The following CLPTM1L variants were observed in gnomAD, a reference collection of about 807,000 sequenced individuals.
CLPTM1L encodes lipid scramblase CLPTM1L.
CLPTM1L carries 38 observed loss-of-function variants against 70.9 expected under a neutral mutation model. The ratio of observed to expected loss-of-function variants is 0.54; its 90% CI spans 0.41 to 0.70. CLPTM1L has a LOEUF of 0.70. Ranked by LOEUF, CLPTM1L falls within the 30% of genes least tolerant of loss-of-function variation. The pLI is 0.00. For synonymous variants in CLPTM1L, 339 were observed against 299.9 expected, an observed-to-expected ratio of 1.13 and a Z score of -1.35; for missense variants, 652 against 705.9, an observed-to-expected ratio of 0.92 and a Z score of 0.87.
intron 9 of CLPTM1L, among the ~76,000 whole-genome samples, chr5:1,327,066 C>T (rs1752636652): frequency 6.7e-6 from 1 of 150,298 alleles, no homozygotes; most frequent in Admixed American, 6.6e-5. Flanking sequence ...CCACCCAGCT[C>T]CTCCTCGACA....
At chr5:1,343,169 A>G (rs1439035589) in intron 2 of CLPTM1L, among the ~76,000 whole-genome samples, 4 of 152,112 alleles carry the variant, frequency 2.6e-5, no homozygotes, top group African/African-American at 9.7e-5. Flanking sequence ...CCAGCCTGGC[A>G]ACAGAGCAAG....
rs1040197201 is a variant in CLPTM1L, at chr5:1,342,332, T to C, written c.264-472A>G. ...CTACTGGAACCTCAGAAATTTAATG[T>C]GGGTAGTTTTTTTGGGTGTTGTAGT... On this transcript the variant is annotated intron_variant, in intron 2 of 16. Transcript: ENST00000320895. The surrounding 1 kb of genome is among the most constrained non-coding windows in gnomAD (Gnocchi z 4.3). 6.6e-6 allele frequency among the ~76,000 whole-genome samples: 1 copy of C among 152,112 alleles called. No individual in the cohort carries two copies. Among genetic ancestry groups the C allele is most frequent in the Non-Finnish European group, 1.5e-5 (1 of 68,008 alleles).
Position 1,342,636 on chromosome 5 carries a change from A to C in CLPTM1L, c.264-776T>G, listed in dbSNP as rs143001023. ...ACAAGGTCTCGCTGTCACCAGGCTG[A>C]AAGTGTAGGGGTGCAATCACAGCTC... On this transcript the variant is annotated intron_variant, in intron 2 of 16. Coordinates refer to ENST00000320895, the MANE Select transcript of CLPTM1L (RefSeq NM_030782.5). This position sits in a 1 kb window ranked among gnomAD's most constrained non-coding sequence, Gnocchi z 4.3. Among the ~76,000 whole-genome samples, 16 of 152,338 alleles carry C rather than the reference A, an allele frequency of 1.1e-4. 1 individual carries two copies. The highest frequency in any genetic ancestry group is 4.1e-4 in the South Asian group (2 of 4,828).
rs147939701 is a variant in CLPTM1L, at chr5:1,342,055, C to T, written c.264-195G>A. On this transcript the variant is annotated intron_variant, in intron 2 of 16. Coordinates refer to ENST00000320895, the MANE Select transcript of CLPTM1L (RefSeq NM_030782.5). The surrounding 1 kb of genome is among the most constrained non-coding windows in gnomAD (Gnocchi z 4.3). ...GTGTGTGTGTGCACGCGCACGCGTG[C>T]GCGTCCTGAGAACTCGGCACAGGTG... Among the ~76,000 whole-genome samples the T allele has an allele frequency of 7.7e-3, 1,168 of 151,068 alleles. 41 individuals are homozygous for T. The highest frequency in any genetic ancestry group is 0.051 in the Admixed American group (772 of 15,256).
intron 13 of CLPTM1L, 165 bp downstream of exon 13, chr5:1,322,712 C>T: frequency 4.1e-6 from 3 of 729,602 alleles, no homozygotes; most frequent in South Asian, 3.2e-5. Flanking sequence ...TATCTGCTCA[C>T]AGCCTGGGGG....
At position 1,331,860 on chromosome 5, in the gene CLPTM1L, A is replaced by G. The variant is rs749307820; in HGVS notation, c.915T>C (p.Phe305=). 3 of 1,613,426 alleles carry G rather than the reference A, an allele frequency of 1.9e-6. No individual in the cohort carries two copies. The Admixed American group carries it at 5.0e-5, about 27-fold the overall frequency. The stretch of plus-strand genomic sequence containing the variant: ...TCTTCCAGAAACTGATGTCATTTTT[A>G]AAGGCCAGGAAATCAAAGAGAAGCT... ...AFHLLFDFLA[F]KNDISFWKKK... is the part of the protein sequence containing the mutation. Residue 305 remains phenylalanine (F), a synonymous_variant, in exon 8 of 17, where the codon TTT becomes TTC. Transcript: ENST00000320895.
intron 9 of CLPTM1L, among the ~76,000 whole-genome samples, chr5:1,327,483 G>A (rs1301755978): frequency 1.4e-5 from 2 of 147,724 alleles, no homozygotes; most frequent in African/African-American, 5.0e-5. Flanking sequence ...CTCCTCTACA[G>A]GGACATTTCA....
chr5:1,322,390 G>A (rs2126720611), intron 13 of CLPTM1L, among the ~76,000 whole-genome samples: 1 of 152,324 alleles, frequency 6.6e-6, no homozygotes, highest in Middle Eastern at 3.4e-3. Context: ...ACAGGGCCCT[G>A]CAGGGTCCCC....
At chr5:1,328,856 TCATCCAGCTCCTCCTCTACAGACACATTC>T in intron 9 of CLPTM1L, among the ~76,000 whole-genome samples, 18 of 143,642 alleles carry the variant, frequency 1.3e-4, no homozygotes, top group Admixed American at 2.3e-4. Flanking sequence ...CAGACACATT[TCATCCAGCTCCTCCTCTACAGACACATTC>T]CATCCAGCTC....
At chr5:1,333,845 A>G (rs529807364) in intron 7 of CLPTM1L, among the ~76,000 whole-genome samples, 1 of 151,998 alleles carries the variant, frequency 6.6e-6, no homozygotes, top group Admixed American at 6.5e-5. Flanking sequence ...GACTTTTTAC[A>G]TTTAAAAATC....
At position 1,325,768 on chromosome 5, in the gene CLPTM1L, G is replaced by C; in HGVS notation, c.1129C>G (p.Leu377Val). ...ALKMTIFWRG[L>V]MPEFQFGTYS... ...AATCCTACCTGAAATTCGGGCATCAGGCCTCTCCAAAAAATAGTCATCTTC... is the reference window on the plus strand; with the variant it reads ...AATCCTACCTGAAATTCGGGCATCACGCCTCTCCAAAAAATAGTCATCTTC... Residue 377 changes from leucine (L) to valine (V), a missense_variant, in exon 10 of 17, where the codon CTG becomes GTG. Physicochemically the swap from Leu to Val is conservative, Grantham distance 32 (BLOSUM62 1). Around this residue, in one of 3 missense-constraint regions of CLPTM1L, gnomAD observed 240 missense variants for 295.0 expected, o/e 0.81. Transcript: ENST00000320895. The C allele has an allele frequency of 6.2e-7, 1 of 1,613,868 alleles. No individual in the cohort carries two copies. Among genetic ancestry groups the C allele is most frequent in the Non-Finnish European group, 8.5e-7 (1 of 1,179,806 alleles).
chr5:1,344,862 CCCCGGCCCGCCCGCCTCTCAGCCGCGAG>C lies in CLPTM1L; in HGVS notation c.-49_-22del. 3 of 1,391,536 alleles carry C rather than the reference CCCCGGCCCGCCCGCCTCTCAGCCGCGAG, an allele frequency of 2.2e-6. No homozygotes were observed. The highest frequency in any genetic ancestry group is 2.8e-6 in the Non-Finnish European group (3 of 1,064,290). The allele number at this position is 1,391,536 out of a possible 1,614,324, so 86.2% of individuals were successfully genotyped here. On this transcript the variant is annotated 5_prime_UTR_variant, in exon 1 of 17. Transcript: ENST00000320895. ...CACATGGCGGCCCCGCGCCCGGCGC[CCCCGGCCCGCCCGCCTCTCAGCCGCGAG>C]CCCCGCCCGCCCGGCGCCCAGCCCG...
Position 1,342,767 on chromosome 5 carries a change from G to A in CLPTM1L, c.264-907C>T, listed in dbSNP as rs1183376697. On this transcript the variant is annotated intron_variant, in intron 2 of 16. Transcript: ENST00000320895. This position sits in a 1 kb window ranked among gnomAD's most constrained non-coding sequence, Gnocchi z 4.3. Reference sequence around the variant, plus strand: ...CCATGCCTGGCTAACTTTGAAAACTGTTGTAGAGATGGGGTTTTGTCACAT... The same window carrying A: ...CCATGCCTGGCTAACTTTGAAAACTATTGTAGAGATGGGGTTTTGTCACAT... Among the ~76,000 whole-genome samples the A allele has an allele frequency of 2.6e-5, 4 of 152,214 alleles. No homozygotes were observed. The highest frequency in any genetic ancestry group is 2.0e-4 in the Admixed American group (3 of 15,280).
At position 1,321,827 on chromosome 5, in the gene CLPTM1L, A is replaced by C. The variant is rs745550073; in HGVS notation, c.1316-8T>G. 1.3e-5 allele frequency: 21 copies of C among 1,613,024 alleles called. No homozygotes were observed. The highest frequency in any genetic ancestry group is 4.4e-5 in the South Asian group (4 of 90,968). ...AACCAAAGGCATAGACCCCTGCAGA[A>C]AGACAGACAGCACTCACGAGGTGCG... On this transcript the variant is annotated splice_region_variant and splice_polypyrimidine_tract_variant and intron_variant, in intron 13 of 16. Transcript: ENST00000320895.
intron 5 of CLPTM1L, among the ~76,000 whole-genome samples, chr5:1,336,950 C>A (rs903955428): frequency 7.2e-5 from 11 of 152,332 alleles, no homozygotes; most frequent in African/African-American, 2.6e-4. Flanking sequence ...GCTGCACCCC[C>A]CCGCTAGCAA....
In CLPTM1L at chr5:1,318,082, G is replaced by C. The variant is rs141757019; in HGVS notation, c.*287C>G. On this transcript the variant is annotated 3_prime_UTR_variant, in exon 17 of 17. Transcript: ENST00000320895. This position sits in a 1 kb window ranked among gnomAD's most constrained non-coding sequence, Gnocchi z 8.9. ...TGTGAGGGCTCCCACCCCTGCCCGC[G>C]TGAGGACATGGCCGAACCCCGGACA... 1.2e-5 allele frequency: 5 copies of C among 429,336 alleles called. 1 individual carries two copies. The Admixed American group carries it at 1.3e-4, about 11-fold the overall frequency. 26.6% of individuals were successfully genotyped at this position (429,336 alleles called of 1,614,324 possible).
intron 7 of CLPTM1L, among the ~76,000 whole-genome samples, chr5:1,332,882 C>A (rs187044856): frequency 1.3e-5 from 2 of 152,232 alleles, no homozygotes; most frequent in Non-Finnish European, 2.9e-5. Context: ...GGTCTTTGAA[C>A]ACACCCCCTG....
intron 5 of CLPTM1L, among the ~76,000 whole-genome samples, chr5:1,337,086 C>T (rs753086915): frequency 3.2e-4 from 49 of 152,178 alleles, no homozygotes; most frequent in Non-Finnish European, 4.1e-4. Context: ...TCCGGAGTGA[C>T]AGTGATGGCT....
At chr5:1,338,546 G>A (rs910976134) in intron 4 of CLPTM1L, among the ~76,000 whole-genome samples, 5 of 152,218 alleles carry the variant, frequency 3.3e-5, no homozygotes, top group Admixed American at 1.3e-4. Context: ...ATCTAAATAA[G>A]CCAAGTTAAA....
Sources: allele counts gnomAD v4.1 joint callset (sites outside exome capture counted in the v4.1 genomes callset), GRCh38; gene constraint gnomAD v4.1.1; regional missense constraint gnomAD v4.1.1; non-coding constraint Gnocchi (gnomAD v3.1); transcripts MANE v1.5; gene names NCBI Gene and HGNC (gene_info 2026-07-23, HGNC 2026-07-21).